TSR1: variants seen among roughly 807,000 people sequenced by gnomAD.
TSR1 encodes the protein TSR1 ribosome maturation factor.
TSR1 carries 81 observed loss-of-function variants against 90.9 expected under a neutral mutation model. The observed-to-expected ratio is 0.89, with a 90% CI of 0.74 to 1.07. The LOEUF (loss-of-function observed/expected upper bound fraction) is 1.07. Among genes scored for constraint, TSR1 ranks in the 50% least tolerant of loss-of-function variants. The pLI, the probability that TSR1 is intolerant of heterozygous loss-of-function variation, is 0.00. For synonymous variants in TSR1, 362 were observed against 348.8 expected, an observed-to-expected ratio of 1.04 and a Z score of -0.42; for missense variants, 989 against 987.3, an observed-to-expected ratio of 1.00 and a Z score of -0.02.
At chr17:2,326,204 A>G (rs1597274483) in intron 11 of TSR1, among the ~76,000 whole-genome samples, 1 of 152,114 alleles carries the variant, frequency 6.6e-6, no homozygotes, top group Admixed American at 6.5e-5. Context: ...ATTTTAAGGC[A>G]AAGAAAAATT....
rs1352775111 is a variant in TSR1 at position 2,335,493 on chromosome 17, AT to A, written c.421+17del. The A allele has an allele frequency of 1.2e-6, 2 of 1,610,794 alleles. No individual in the cohort carries two copies. Among genetic ancestry groups the A allele is most frequent in the East Asian group, 4.5e-5 (2 of 44,840 alleles). Reference sequence around the variant, plus strand: ...CCACTACTCAAACATAATACAAAATATTGGTGTATACTCTAACCTGGCCTTG... The same window carrying A: ...CCACTACTCAAACATAATACAAAATATGGTGTATACTCTAACCTGGCCTTG... On this transcript the variant is annotated intron_variant, in intron 3 of 14. Coordinates refer to ENST00000301364, the MANE Select transcript of TSR1 (RefSeq NM_018128.5).
Position 2,329,431 on chromosome 17 carries a change from A to T in TSR1, c.1815T>A (p.Thr605=). 6.2e-7 allele frequency: 1 copy of T among 1,614,216 alleles called. No individual in the cohort carries two copies. Among genetic ancestry groups the T allele is most frequent in the Non-Finnish European group, 8.5e-7 (1 of 1,180,040 alleles). ...NMVVRRDPGN[T]EPVKAKEELI... is the part of the protein sequence containing the mutation. ...GCTCTTCCTTGGCTTTCACAGGTTC[A>T]GTGTTGCCAGGGTCACGCCTCACCA... The change falls in exon 11 of 15, where the codon ACT becomes ACA. Residue 605 remains threonine, a synonymous_variant. Coordinates refer to ENST00000301364, the MANE Select transcript of TSR1 (RefSeq NM_018128.5).
At position 2,323,150 on chromosome 17, in the gene TSR1, T is replaced by C; in HGVS notation, c.*1046A>G. 1 of 1,614,156 alleles carries C rather than the reference T, an allele frequency of 6.2e-7. No individual in the cohort carries two copies. The highest frequency in any genetic ancestry group is 8.5e-7 in the Non-Finnish European group (1 of 1,180,028). ...CCTCTTCCCAGGCTCTGAAACCTAG[T>C]GTGAAGGTATATGCTGCTGAACCCT... On this transcript the variant is annotated 3_prime_UTR_variant, in exon 15 of 15. Transcript: ENST00000301364.
At chr17:2,335,975 C>T (rs1467082751) in intron 2 of TSR1, 62 bp downstream of exon 2, 4 of 1,546,894 alleles carry the variant, frequency 2.6e-6, no homozygotes, top group Admixed American at 3.4e-5. Flanking sequence ...TTTTCCACTT[C>T]GAGGCATTAG....
At position 2,335,394 on chromosome 17, in the gene TSR1, C is replaced by A; in HGVS notation, c.422G>T (p.Gly141Val). Reference sequence around the variant, plus strand: ...CATGTCTAACACAACGTGCAGATCCCCTGCAGATAGAAGACACAGTAAGAA... The same window carrying A: ...CATGTCTAACACAACGTGCAGATCCACTGCAGATAGAAGACACAGTAAGAA... ...HRWFFTSARP[G>V]DLHVVLDMAK... Residue 141 changes from glycine (G) to valine (V), a missense_variant and splice_region_variant, in exon 4 of 15, where the codon GGG becomes GTG. Coordinates refer to ENST00000301364, the MANE Select transcript of TSR1 (RefSeq NM_018128.5). The A allele has an allele frequency of 6.2e-7, 1 of 1,613,024 alleles. No individual in the cohort carries two copies.
chr17:2,324,443 AAC>A, intron 14 of TSR1, 59 bp downstream of exon 14: 1 of 1,612,152 alleles, frequency 6.2e-7, no homozygotes, highest in Non-Finnish European at 8.5e-7. Context: ...CTTCCAACCC[AAC>A]AGTCATTTAG....
At chr17:2,327,564 A>T (rs545936212) in intron 11 of TSR1, among the ~76,000 whole-genome samples, 2 of 152,164 alleles carry the variant, frequency 1.3e-5, no homozygotes, top group South Asian at 4.1e-4. Flanking sequence ...AAGTAAATAA[A>T]GTTTTATGCA....
At position 2,334,655 on chromosome 17, in the gene TSR1, A is replaced by G. The variant is rs1221286433; in HGVS notation, c.798T>C (p.Asn266=). 1 of 1,613,746 alleles carries G rather than the reference A, an allele frequency of 6.2e-7. No homozygotes were observed. The highest frequency in any genetic ancestry group is 2.2e-5 in the East Asian group (1 of 44,888). ...AAATTTTCAAGGTGCCCACCAAGTT[A>G]TTCTCTTCACTAGGAACAAAATCAA... The part of the protein sequence containing the change: ...HAVDFVPSEE[N]NLVGTLKISG... The change falls in exon 5 of 15, where the codon AAT becomes AAC. Residue 266 remains asparagine, a synonymous_variant. Coordinates refer to ENST00000301364, the MANE Select transcript of TSR1 (RefSeq NM_018128.5).
At position 2,335,893 on chromosome 17, in the gene TSR1, G is replaced by A. The variant is rs528985895; in HGVS notation, c.201+144C>T. On this transcript the variant is annotated intron_variant, in intron 2 of 14. Coordinates refer to ENST00000301364, the MANE Select transcript of TSR1 (RefSeq NM_018128.5). Reference sequence around the variant, plus strand: ...TGGCAGGAATTCTGACCAAAGCAAAGAATGCTAGACCTGCACGCTCGACAC... The same window carrying A: ...TGGCAGGAATTCTGACCAAAGCAAAAAATGCTAGACCTGCACGCTCGACAC... The A allele has an allele frequency of 1.3e-5, 16 of 1,207,194 alleles. 1 individual carries two copies. The South Asian group carries it at 2.1e-4, about 16-fold the overall frequency. The allele number at this position is 1,207,194 out of a possible 1,614,324, so 74.8% of individuals were successfully genotyped here. A position where few individuals can be genotyped will look rare whatever the true frequency, so the allele number is the denominator to read the frequency against.
intron 5 of TSR1, among the ~76,000 whole-genome samples, chr17:2,333,938 T>A (rs144723852): frequency 2.0e-5 from 3 of 152,194 alleles, no homozygotes; most frequent in Admixed American, 1.3e-4. Flanking sequence ...CCCACTCCTA[T>A]CCATTTATTA....
intron 11 of TSR1, among the ~76,000 whole-genome samples, chr17:2,326,354 T>C (rs2075576017): frequency 6.6e-6 from 1 of 152,086 alleles, no homozygotes; most frequent in Non-Finnish European, 1.5e-5. Flanking sequence ...GCCCCCAAGT[T>C]AGTGGGCAAC....
In TSR1 at chr17:2,336,404, C is replaced by CGGGCCGGGGCGGT; in HGVS notation, c.11_23dup (p.Leu9ProfsTer10). 1.2e-6 allele frequency: 2 copies of CGGGCCGGGGCGGT among 1,611,866 alleles called. No homozygotes were observed. Among genetic ancestry groups the CGGGCCGGGGCGGT allele is most frequent in the Non-Finnish European group, 1.7e-6 (2 of 1,179,944 alleles). On this transcript the variant is annotated frameshift_variant, in exon 1 of 15. Transcript: ENST00000301364. LOFTEE classifies it high-confidence loss of function. ...TATGAGCTTTATTCTGCTGCTTGAG[C>CGGGCCGGGGCGGT]GGGCCGGGGCGGTGGGCCGCCATGC...
intron 5 of TSR1, among the ~76,000 whole-genome samples, chr17:2,333,950 G>T (rs936993607): frequency 1.3e-5 from 2 of 151,808 alleles, no homozygotes; most frequent in Non-Finnish European, 2.9e-5. Context: ...CATTTATTAC[G>T]TACCTCACTC....
At chr17:2,327,733 A>C (rs1449652192) in intron 11 of TSR1, among the ~76,000 whole-genome samples, 1 of 152,250 alleles carries the variant, frequency 6.6e-6, no homozygotes, top group Non-Finnish European at 1.5e-5. Context: ...AAATTGATCA[A>C]AATCAATTAA....
At chr17:2,327,499 TGA>T (rs764222001) in intron 11 of TSR1, among the ~76,000 whole-genome samples, 6 of 151,966 alleles carry the variant, frequency 3.9e-5, no homozygotes, top group Non-Finnish European at 7.4e-5. Flanking sequence ...TCTCTGCAAC[TGA>T]GACTTTTATT....
At chr17:2,326,236 T>G (rs2151439602) in intron 11 of TSR1, among the ~76,000 whole-genome samples, 1 of 152,284 alleles carries the variant, frequency 6.6e-6, no homozygotes, top group African/African-American at 2.4e-5. Context: ...GAGATTGTGA[T>G]TCTCACAATT....
chr17:2,334,790 G>A lies in TSR1; in HGVS notation c.663C>T (p.Leu221=). Residue 221 remains leucine (L), a synonymous_variant, in exon 5 of 15, where the codon CTC becomes CTT. Transcript: ENST00000301364. ...CTGCCTCCTGTTGAGTGTCTAACAA[G>A]AGGAGTTTGTCATGCGGAAAGCGCT... ...VEKRFPHDKL[L]LLDTQQEAGM... 1 of 1,614,242 alleles carries A rather than the reference G, an allele frequency of 6.2e-7. No individual in the cohort carries two copies. Among genetic ancestry groups the A allele is most frequent in the Admixed American group, 1.7e-5 (1 of 60,034 alleles).
chr17:2,332,876 C>T (rs1374355253), intron 7 of TSR1, 85 bp downstream of exon 7: 15 of 1,297,730 alleles, frequency 1.2e-5, no homozygotes, highest in Non-Finnish European at 1.6e-5. Flanking sequence ...AGAAACTAAC[C>T]ACACACACCC....
intron 11 of TSR1, among the ~76,000 whole-genome samples, chr17:2,328,593 AAAAC>A (rs202243195): frequency 8.6e-5 from 13 of 150,722 alleles, no homozygotes; most frequent in Admixed American, 1.3e-4. Context: ...CGTCTCCAAA[AAAAC>A]AAACAAACAA....
Sources: allele counts gnomAD v4.1 joint callset (sites outside exome capture counted in the v4.1 genomes callset), GRCh38; gene constraint gnomAD v4.1.1; transcripts MANE v1.5; gene names NCBI Gene and HGNC (gene_info 2026-07-23, HGNC 2026-07-21).